The following ATP1B1 variants were observed in gnomAD, a reference collection of about 807,000 sequenced individuals.
ATP1B1 encodes sodium/potassium-transporting ATPase subunit beta-1.
A neutral mutation model predicts 39.6 loss-of-function variants in ATP1B1; 3 were observed. The ratio of observed to expected loss-of-function variants is 0.08; its 90% confidence interval spans 0.03 to 0.20. The LOEUF is 0.20. Among genes scored for constraint, ATP1B1 ranks in the 10% least tolerant of loss-of-function variants. The pLI, the probability that ATP1B1 is intolerant of heterozygous loss-of-function variation, is 1.00. For missense variants in ATP1B1, 216 were observed against 371.1 expected (o/e 0.58, Z 3.43); for synonymous variants, 139 against 135.0 (o/e 1.03, Z -0.20).
intron 1 of ATP1B1, chr1:169,110,538 C>A: frequency 1.2e-6 from 1 of 838,092 alleles, no homozygotes; most frequent in Non-Finnish European, 1.6e-6. Context: ...TAACTGATAG[C>A]CACCCTCATT....
chr1:169,112,401 A>T (rs1657746987), intron 2 of ATP1B1, among the ~76,000 whole-genome samples: 1 of 152,254 alleles, frequency 6.6e-6, no homozygotes, highest in African/African-American at 2.4e-5. Context: ...TGGAGGACCT[A>T]GAGAGAAAGT....
intron 1 of ATP1B1, among the ~76,000 whole-genome samples, chr1:169,108,396 CCCTGGCAACT>C (rs1281366773): frequency 6.6e-6 from 1 of 152,066 alleles, no homozygotes; most frequent in Non-Finnish European, 1.5e-5. Flanking sequence ...ATGAACAGCT[CCCTGGCAACT>C]CCTTGTAACT....
intron 1 of ATP1B1, chr1:169,110,830 C>A: frequency 2.0e-6 from 1 of 489,252 alleles, no homozygotes; most frequent in Non-Finnish European, 3.2e-6. Flanking sequence ...AGGAGGATAT[C>A]ATCACTGGGT....
In ATP1B1 at chr1:169,125,012, G is replaced by C; in HGVS notation, c.355G>C (p.Asp119His). ...LEKYKDSAQR[D>H]DMIFEDCGDV... ...AAAGTACAAAGATTCAGCCCAGAGG[G>C]ATGACATGATTTTTGAAGATTGTGG... Residue 119 changes from aspartate (D) to histidine (H), a missense_variant, in exon 3 of 6, where the codon GAT (aspartate) becomes CAT (histidine). Physicochemically the swap from Asp to His is moderately conservative, Grantham distance 81. Coordinates refer to ENST00000367815, the MANE Select transcript of ATP1B1 (RefSeq NM_001677.4). 6.2e-7 allele frequency: 1 copy of C among 1,612,514 alleles called. No individual in the cohort carries two copies.
Position 169,132,042 on chromosome 1 carries a change from G to GGT in ATP1B1, c.*487_*488insGT. On this transcript the variant is annotated 3_prime_UTR_variant, in exon 6 of 6. Coordinates refer to ENST00000367815, the MANE Select transcript of ATP1B1 (RefSeq NM_001677.4). The stretch of plus-strand genomic sequence containing the variant: ...TAATTTTTTTTTTTTTTTTTTTTTT[G>GGT]TTTTTTGGCTCTTTCAAAGGTAATG... 9.3e-6 allele frequency: 1 copy of GGT among 107,388 alleles called. No homozygotes were observed. The highest frequency in any genetic ancestry group is 8.1e-5 in the South Asian group (1 of 12,330). 6.7% of individuals were successfully genotyped at this position (107,388 alleles called of 1,614,324 possible).
chr1:169,123,987 TA>T (rs1658038346), intron 2 of ATP1B1, among the ~76,000 whole-genome samples: 1 of 152,246 alleles, frequency 6.6e-6, no homozygotes, highest in Admixed American at 6.5e-5. Context: ...GACATACTTA[TA>T]TTTTTTTAAA....
Position 169,127,285 on chromosome 1 carries a change from C to G in ATP1B1, c.444C>G (p.Val148=). The G allele has an allele frequency of 3.1e-6, 5 of 1,608,406 alleles. No individual in the cohort carries two copies. Among genetic ancestry groups the G allele is most frequent in the Non-Finnish European group, 4.2e-6 (5 of 1,178,010 alleles). Residue 148 remains valine, a synonymous_variant, in exon 4 of 6, where the codon GTC becomes GTG. Transcript: ENST00000367815. The part of the protein sequence containing the change: ...DFNHERGERK[V]CRFKLEWLGN... ...ATCATGAACGAGGAGAGCGAAAGGT[C>G]TGCAGATTCAAGCTTGAATGGCTGG...
At position 169,106,782 on chromosome 1, in the gene ATP1B1, G is replaced by T; in HGVS notation, c.-48G>T. 3 of 1,500,646 alleles carry T rather than the reference G, an allele frequency of 2.0e-6. No homozygotes were observed. The highest frequency in any genetic ancestry group is 2.7e-6 in the Non-Finnish European group (3 of 1,112,170). 93.0% of individuals were successfully genotyped at this position (1,500,646 alleles called of 1,614,324 possible). ...CGCAGAGGACGCCAGGGCGCGCGCCGCAGCCACCCACCCTCCGGACCGCGG... is the reference window on the plus strand; with the variant it reads ...CGCAGAGGACGCCAGGGCGCGCGCCTCAGCCACCCACCCTCCGGACCGCGG... On this transcript the variant is annotated 5_prime_UTR_variant, in exon 1 of 6. Coordinates refer to ENST00000367815, the MANE Select transcript of ATP1B1 (RefSeq NM_001677.4).
chr1:169,114,969 G>A lies in ATP1B1; in HGVS notation c.226+3471G>A, dbSNP rs1657810600. The stretch of plus-strand genomic sequence containing the variant: ...CACTTCCGAGGCAGGCGGATCATGA[G>A]GTCAGGAGATCGAGACCATTCTGGC... On this transcript the variant is annotated intron_variant, in intron 2 of 5. Coordinates refer to ENST00000367815, the MANE Select transcript of ATP1B1 (RefSeq NM_001677.4). Among the ~76,000 whole-genome samples the A allele has an allele frequency of 2.0e-5, 3 of 152,152 alleles. No individual in the cohort carries two copies. In the South Asian group the frequency reaches 6.2e-4, roughly 32 times the overall value.
chr1:169,110,511 T>C, intron 1 of ATP1B1: 2 of 577,476 alleles, frequency 3.5e-6, no homozygotes, highest in South Asian at 4.0e-5. Flanking sequence ...ATCAGGGAGA[T>C]AATCCTTGTA....
Position 169,127,326 on chromosome 1 carries a change from T to C in ATP1B1, c.485T>C (p.Leu162Ser). ...KLEWLGNCSG[L>S]NDETYGYKEG... ...GAATGGCTGGGAAATTGCTCTGGAT[T>C]AAATGATGAAACTTATGGCTACAAA... Residue 162 changes from leucine to serine, a missense_variant, in exon 4 of 6, where the codon TTA (leucine) becomes TCA (serine). Coordinates refer to ENST00000367815, the MANE Select transcript of ATP1B1 (RefSeq NM_001677.4). The C allele has an allele frequency of 6.2e-7, 1 of 1,612,516 alleles. No homozygotes were observed. The highest frequency in any genetic ancestry group is 8.5e-7 in the Non-Finnish European group (1 of 1,179,536).
At chr1:169,123,072 A>G (rs550785519) in intron 2 of ATP1B1, among the ~76,000 whole-genome samples, 2 of 152,192 alleles carry the variant, frequency 1.3e-5, no homozygotes, top group South Asian at 2.1e-4. Flanking sequence ...AGCATCCTCA[A>G]TCACTAGAAA....
At chr1:169,124,837 C>T (rs757517281) in intron 2 of ATP1B1, 47 bp from the exon 3 acceptor site, 6 of 1,587,154 alleles carry the variant, frequency 3.8e-6, no homozygotes, top group East Asian at 2.2e-5. Flanking sequence ...TTTGAATTGT[C>T]TTCGTTTCTG....
intron 2 of ATP1B1, among the ~76,000 whole-genome samples, chr1:169,121,733 T>A (rs2982468): frequency 0.075 from 11,460 of 152,286 alleles, 628 homozygotes; most frequent in African/African-American, 0.13. Context: ...TTACCATGTT[T>A]ACTCTCAACA....
chr1:169,118,280 C>G (rs1003991020), intron 2 of ATP1B1, among the ~76,000 whole-genome samples: 2 of 152,194 alleles, frequency 1.3e-5, no homozygotes, highest in Non-Finnish European at 2.9e-5. Flanking sequence ...TTTCTTTACC[C>G]TGAGTGTTGG....
At position 169,118,212 on chromosome 1, in the gene ATP1B1, G is replaced by A. The variant is rs190502227; in HGVS notation, c.227-6672G>A. On this transcript the variant is annotated intron_variant, in intron 2 of 5. Transcript: ENST00000367815. ...TATACAGCCACAGGAAGAAGAGGAC[G>A]GATCAGAGAAGAGCCTAAATCAGAG... Among the ~76,000 whole-genome samples, 15 of 152,272 alleles carry A rather than the reference G, an allele frequency of 9.9e-5. 1 individual carries two copies. The East Asian group carries it at 1.9e-3, about 20-fold the overall frequency.
Position 169,132,051 on chromosome 1 carries a change from C to A in ATP1B1, c.*496C>A. On this transcript the variant is annotated 3_prime_UTR_variant, in exon 6 of 6. Coordinates refer to ENST00000367815, the MANE Select transcript of ATP1B1 (RefSeq NM_001677.4). ...TTTTTTTTTTTTTTTTGTTTTTTGG[C>A]TCTTTCAAAGGTAATGGCCCATCGA... is the stretch of plus-strand genomic sequence containing the variant. 1.8e-5 allele frequency: 2 copies of A among 114,166 alleles called. No homozygotes were observed. Among genetic ancestry groups the A allele is most frequent in the Non-Finnish European group, 1.7e-5 (1 of 59,580 alleles). The allele number at this position is 114,166 out of a possible 1,614,324, so 7.1% of individuals were successfully genotyped here. A position where few individuals can be genotyped will look rare whatever the true frequency, so the allele number is the denominator to read the frequency against.
chr1:169,124,790 A>G, intron 2 of ATP1B1, 94 bp from the exon 3 acceptor site: 11 of 1,411,936 alleles, frequency 7.8e-6, no homozygotes, highest in Non-Finnish European at 1.1e-5. Flanking sequence ...AGCCAAGTGG[A>G]GTTAGCAAAG....
intron 2 of ATP1B1, among the ~76,000 whole-genome samples, chr1:169,120,747 T>C (rs1657961924): frequency 1.3e-5 from 2 of 152,110 alleles, no homozygotes. Flanking sequence ...TACTGAAAAA[T>C]TTGGGCTTTC....
Sources: gnomAD v4.1 joint callset for allele counts (sites outside exome capture counted in the v4.1 genomes callset) on GRCh38, gnomAD v4.1.1 for gene constraint, MANE v1.5 for transcripts, NCBI Gene and HGNC (gene_info 2026-07-23, HGNC 2026-07-21) for gene names.